TSBP1: variants seen among roughly 807,000 people sequenced by gnomAD.
The protein encoded by TSBP1 is testis expressed basic protein 1, also known as testis-expressed basic protein 1.
In TSBP1, 56 loss-of-function variants were observed where a neutral mutation model predicts 68.8. That is an observed-to-expected ratio of 0.81 (90% CI 0.66 to 1.02). The LOEUF (loss-of-function observed/expected upper bound fraction) is 1.02. Ranked by LOEUF, TSBP1 falls within the 50% of genes least tolerant of loss-of-function variation. The pLI, the probability that TSBP1 is intolerant of heterozygous loss-of-function variation, is 0.00. For missense variants in TSBP1, 502 were observed against 641.2 expected, an observed-to-expected ratio of 0.78 and a Z score of 2.34; for synonymous variants, 171 against 208.7, an observed-to-expected ratio of 0.82 and a Z score of 1.56.
At position 32,365,993 on chromosome 6, in the gene TSBP1, A is replaced by G. The variant is rs1164765484; in HGVS notation, c.217+174T>C. 1.0e-6 allele frequency: 1 copy of G among 975,840 alleles called. No homozygotes were observed. The allele number at this position is 975,840 out of a possible 1,614,324, so 60.4% of individuals were successfully genotyped here. Reference sequence around the variant, plus strand: ...GAGGAATTGCATAGCTTTGGGGAAAATGGTGCCTCATAGCGTGATGGTGAA... The same window carrying G: ...GAGGAATTGCATAGCTTTGGGGAAAGTGGTGCCTCATAGCGTGATGGTGAA... On this transcript the variant is annotated intron_variant, in intron 6 of 22. Transcript: ENST00000612031. The surrounding 1 kb of genome is among the most constrained non-coding windows in gnomAD (Gnocchi z 4.3).
intron 16 of TSBP1, chr6:32,326,051 G>A: frequency 8.1e-6 from 12 of 1,486,530 alleles, no homozygotes; most frequent in Non-Finnish European, 1.1e-5. Flanking sequence ...ATGAAGGGAG[G>A]AAACTTTGGA....
At position 32,365,520 on chromosome 6, in the gene TSBP1, T is replaced by G; in HGVS notation, c.217+647A>C. 2.2e-6 allele frequency: 1 copy of G among 456,660 alleles called. No homozygotes were observed. The highest frequency in any genetic ancestry group is 4.4e-6 in the Non-Finnish European group (1 of 226,950). 28.3% of individuals were successfully genotyped at this position (456,660 alleles called of 1,614,324 possible). A position where few individuals can be genotyped will look rare whatever the true frequency, so the allele number is the denominator to read the frequency against. On this transcript the variant is annotated intron_variant, in intron 6 of 22. Transcript: ENST00000612031. This position sits in a 1 kb window ranked among gnomAD's most constrained non-coding sequence, Gnocchi z 4.3. ...AGTGGGTTCTGCAGTCTCTTTTCCC[T>G]GCTCCCAGCCTCTCCTAACCATTCA... is the stretch of plus-strand genomic sequence containing the variant.
In TSBP1 at chr6:32,306,118, C is replaced by T. The variant is rs1430536562; in HGVS notation, c.581-3489G>A. Among the ~76,000 whole-genome samples, 1 of 152,186 alleles carries T rather than the reference C, an allele frequency of 6.6e-6. No homozygotes were observed. The highest frequency in any genetic ancestry group is 1.5e-5 in the Non-Finnish European group (1 of 68,034). On this transcript the variant is annotated intron_variant, in intron 19 of 22. Transcript: ENST00000612031. The surrounding 1 kb of genome is among the most constrained non-coding windows in gnomAD (Gnocchi z 5.1). ...TCTTTTTTTGTTTAAAGGACCTTCA[C>T]CCATTCCTGCATGTAAGTTAGGACA...
intron 8 of TSBP1, among the ~76,000 whole-genome samples, chr6:32,350,659 G>A (rs1240995728): frequency 1.3e-5 from 2 of 152,134 alleles, no homozygotes; most frequent in African/African-American, 2.4e-5. Flanking sequence ...AATATGTTAG[G>A]TTACATGGAA....
intron 6 of TSBP1, among the ~76,000 whole-genome samples, chr6:32,364,079 ATGTC>A (rs1467025000): frequency 4.6e-5 from 7 of 152,190 alleles, no homozygotes; most frequent in African/African-American, 1.4e-4. Context: ...GGCCTAGAAA[ATGTC>A]TGCATAGAAG....
At chr6:32,317,458 G>A (rs1767084617) in intron 18 of TSBP1, among the ~76,000 whole-genome samples, 1 of 152,144 alleles carries the variant, frequency 6.6e-6, no homozygotes, top group South Asian at 2.1e-4. Context: ...ATTGACAGAT[G>A]GGATCTAATT....
chr6:32,339,409 T>A, intron 10 of TSBP1, 191 bp downstream of exon 11: 1 of 689,142 alleles, frequency 1.5e-6, no homozygotes, highest in East Asian at 2.7e-5. Context: ...ATTGCAAGTT[T>A]TTCTCCTTTC....
intron 2 of TSBP1, 127 bp from the exon 3 acceptor site, chr6:32,368,941 T>C: frequency 8.9e-7 from 1 of 1,128,368 alleles, no homozygotes; most frequent in Non-Finnish European, 1.2e-6. Context: ...TATAATGCAT[T>C]GTTGTTCTCA....
chr6:32,366,428 A>G (rs753917031), intron 4 of TSBP1, 126 bp from the exon 5 acceptor site: 3 of 956,610 alleles, frequency 3.1e-6, no homozygotes, highest in Middle Eastern at 2.5e-4. Context: ...ATCTTTTAGG[A>G]AAGAAAAAAA....
intron 9 of TSBP1, among the ~76,000 whole-genome samples, chr6:32,346,604 G>A (rs1314730868): frequency 1.3e-5 from 2 of 152,096 alleles, no homozygotes; most frequent in Non-Finnish European, 2.9e-5. Context: ...TTGGGAAGCC[G>A]GGGAGGGCAA....
At chr6:32,293,402 T>C (rs1230995763) in exon 23 of TSBP1, 1 of 1,613,034 alleles carries the variant, frequency 6.2e-7, no homozygotes, top group Non-Finnish European at 8.5e-7. Flanking sequence ...TTGGCCTTCT[T>C]GTCCTTTTGG....
rs557589472 is a variant in TSBP1, at chr6:32,293,208, T to G, written c.1465A>C (p.Lys489Gln). 42 of 1,612,812 alleles carry G rather than the reference T, an allele frequency of 2.6e-5. 1 individual carries two copies. The South Asian group carries it at 4.5e-4, about 17-fold the overall frequency. ...CCTTTATCCTCAAAACTCTCCTTCT[T>G]TTCTTGGGCTTCCTGTCCTTTTAGT... is the stretch of plus-strand genomic sequence containing the variant. Residue 489 changes from lysine to glutamine, a missense_variant, in exon 23 of 23, where the codon AAG becomes CAG. Coordinates refer to ENST00000612031, the Ensembl canonical transcript of TSBP1.
chr6:32,329,229 G>A (rs1271588270), intron 16 of TSBP1, among the ~76,000 whole-genome samples: 4 of 132,432 alleles, frequency 3.0e-5, no homozygotes, highest in African/African-American at 1.0e-4. Flanking sequence ...TAAGGGAGAG[G>A]GAGTCAAGCA....
At position 32,316,562 on chromosome 6, in the gene TSBP1, A is replaced by C. The variant is rs915137430; in HGVS notation, c.560-770T>G. The C allele has an allele frequency of 7.4e-6, 5 of 673,630 alleles. No individual in the cohort carries two copies. In the Middle Eastern group the frequency reaches 7.7e-4, roughly 104 times the overall value. 41.7% of individuals were successfully genotyped at this position (673,630 alleles called of 1,614,324 possible). A position where few individuals can be genotyped will look rare whatever the true frequency, so the allele number is the denominator to read the frequency against. ...CTGTTAAAAGCTCCAATTCTTTATGACTGCATTCTTGGGTAAGTATTTGGG... is the reference window on the plus strand; with the variant it reads ...CTGTTAAAAGCTCCAATTCTTTATGCCTGCATTCTTGGGTAAGTATTTGGG... On this transcript the variant is annotated intron_variant, in intron 18 of 22. Coordinates refer to ENST00000612031, the Ensembl canonical transcript of TSBP1. This position sits in a 1 kb window ranked among gnomAD's most constrained non-coding sequence, Gnocchi z 4.5.
chr6:32,344,246 T>TCCCTCCC (rs1298667943), intron 9 of TSBP1, among the ~76,000 whole-genome samples: 1 of 46,996 alleles, frequency 2.1e-5, no homozygotes, highest in African/African-American at 8.4e-5. Context: ...CCTAATGCTA[T>TCCCTCCC]CCCTCCCCCC....
rs3749967 is a variant in TSBP1, at chr6:32,316,067, T to C, written c.560-275A>G. Among the ~76,000 whole-genome samples the C allele has an allele frequency of 0.072, 10,968 of 152,244 alleles. 513 individuals carry two copies. Among genetic ancestry groups the C allele is most frequent in the East Asian group, 0.19 (971 of 5,180 alleles). The stretch of plus-strand genomic sequence containing the variant: ...CAACAGCTTTGGGTATAGTCTCGGG[T>C]AGAGACTGCCATATCTTTCTGTTTC... On this transcript the variant is annotated intron_variant, in intron 18 of 22. Coordinates refer to ENST00000612031, the Ensembl canonical transcript of TSBP1. The surrounding 1 kb of genome is among the most constrained non-coding windows in gnomAD (Gnocchi z 4.5).
chr6:32,294,209 G>A (rs1048586056), intron 22 of TSBP1, 174 bp from the exon 26 acceptor site: 31 of 730,128 alleles, frequency 4.2e-5, no homozygotes, highest in African/African-American at 5.4e-5. Flanking sequence ...TAAAAGTATC[G>A]ATAAAATTCT....
chr6:32,293,267 A>C, exon 23 of TSBP1: 6 of 1,588,108 alleles, frequency 3.8e-6, no homozygotes, highest in Non-Finnish European at 5.1e-6. Context: ...TTGGGATTCC[A>C]GTGTTTCTGG....
intron 6 of TSBP1, among the ~76,000 whole-genome samples, chr6:32,358,469 T>G (rs9268305): frequency 0.77 from 116,507 of 151,686 alleles, 45,032 homozygotes; most frequent in South Asian, 0.89. Flanking sequence ...CAACGTGCAG[T>G]TTTGTTACAT....
Sources: gnomAD v4.1 joint callset for allele counts (sites outside exome capture counted in the v4.1 genomes callset) on GRCh38, gnomAD v4.1.1 for gene constraint, Gnocchi (gnomAD v3.1) non-coding constraint, MANE v1.5 for transcripts, NCBI Gene and HGNC (gene_info 2026-07-23, HGNC 2026-07-21) for gene names.